COL23A1: variants seen among roughly 807,000 people sequenced by gnomAD.
The protein encoded by COL23A1 is collagen type XXIII alpha 1 chain.
COL23A1 carries 97 observed loss-of-function variants against 99.3 expected under a neutral mutation model. The ratio of observed to expected loss-of-function variants is 0.98; its 90% confidence interval spans 0.83 to 1.16. The LOEUF is 1.16. COL23A1 is among the 50% of genes most tolerant of loss of function. COL23A1 has a pLI of 0.00. For missense variants in COL23A1, 762 were observed against 757.4 expected (o/e 1.01, Z -0.07); for synonymous variants, 320 against 308.2 (o/e 1.04, Z -0.40).
rs906081923 is a variant in COL23A1 at position 178,366,167 on chromosome 5, G to A, written c.362-59248C>T. Reference sequence around the variant, plus strand: ...GAGGCGAGTCCCCAAGGGCAGGGCTGGGTCTGATTCACCTCTTCCTCCCCG... The same window carrying A: ...GAGGCGAGTCCCCAAGGGCAGGGCTAGGTCTGATTCACCTCTTCCTCCCCG... On this transcript the variant is annotated intron_variant, in intron 2 of 28. Transcript: ENST00000390654. This position sits in a 1 kb window ranked among gnomAD's most constrained non-coding sequence, Gnocchi z 4.4. Among the ~76,000 whole-genome samples, 3 of 152,184 alleles carry A rather than the reference G, an allele frequency of 2.0e-5. No homozygotes were observed. Among genetic ancestry groups the A allele is most frequent in the African/African-American group, 7.2e-5 (3 of 41,454 alleles).
At chr5:178,576,384 G>T (rs1763358684) in intron 1 of COL23A1, among the ~76,000 whole-genome samples, 1 of 152,038 alleles carries the variant, frequency 6.6e-6, no homozygotes, top group Non-Finnish European at 1.5e-5. Context: ...GACTACAGGC[G>T]CCCCCCACCA....
intron 2 of COL23A1, among the ~76,000 whole-genome samples, chr5:178,430,559 G>A (rs1330279227): frequency 1.3e-5 from 2 of 152,312 alleles, no homozygotes; most frequent in African/African-American, 4.8e-5. Context: ...GTATGTCCAC[G>A]TGTGACGTGC....
chr5:178,316,684 T>A (rs1197436548), intron 2 of COL23A1, among the ~76,000 whole-genome samples: 2 of 152,332 alleles, frequency 1.3e-5, no homozygotes, highest in East Asian at 3.9e-4. Flanking sequence ...AGAATTATAG[T>A]AAGGAAAAAT....
At position 178,340,051 on chromosome 5, in the gene COL23A1, C is replaced by T. The variant is rs1175505337; in HGVS notation, c.362-33132G>A. 2.6e-5 allele frequency among the ~76,000 whole-genome samples: 4 copies of T among 152,022 alleles called. No homozygotes were observed. The highest frequency in any genetic ancestry group is 4.8e-5 in the African/African-American group (2 of 41,362). ...AGAGATGAGTAGAGGGATGAGGGGTCGATGAATGGATGGACGGGTTAGGGA... is the reference window on the plus strand; with the variant it reads ...AGAGATGAGTAGAGGGATGAGGGGTTGATGAATGGATGGACGGGTTAGGGA... On this transcript the variant is annotated intron_variant, in intron 2 of 28. Coordinates refer to ENST00000390654, the MANE Select transcript of COL23A1 (RefSeq NM_173465.4). This position sits in a 1 kb window ranked among gnomAD's most constrained non-coding sequence, Gnocchi z 4.7.
At chr5:178,390,848 A>C (rs1763926418) in intron 2 of COL23A1, among the ~76,000 whole-genome samples, 1 of 152,274 alleles carries the variant, frequency 6.6e-6, no homozygotes, top group Admixed American at 6.5e-5. Context: ...ACATAGGTGT[A>C]AATCTTCATG....
intron 2 of COL23A1, among the ~76,000 whole-genome samples, chr5:178,399,333 A>G (rs73349095): frequency 0.064 from 9,720 of 152,248 alleles, 992 homozygotes; most frequent in African/African-American, 0.21. Context: ...AGAGGGAGGA[A>G]AAGTAAAGAT....
intron 3 of COL23A1, among the ~76,000 whole-genome samples, chr5:178,301,450 T>C (rs1169574476): frequency 6.6e-6 from 1 of 152,250 alleles, no homozygotes; most frequent in African/African-American, 2.4e-5. Context: ...ATAGTTTCTA[T>C]TGACTGTACT....
chr5:178,262,093 G>GGC, intron 10 of COL23A1, 124 bp downstream of exon 10: 2 of 1,050,886 alleles, frequency 1.9e-6, no homozygotes, highest in South Asian at 1.4e-5. Context: ...TACATGCAGA[G>GGC]GCGCGCGCAC....
At chr5:178,420,355 TG>T (rs1765538588) in intron 2 of COL23A1, among the ~76,000 whole-genome samples, 1 of 114,412 alleles carries the variant, frequency 8.7e-6, no homozygotes, top group African/African-American at 3.4e-5. Context: ...CCTCCTCCCC[TG>T]CCCCTCCTCT....
intron 2 of COL23A1, among the ~76,000 whole-genome samples, chr5:178,358,256 A>ATGTATATGTGTGTG (rs1554145320): frequency 1.0e-5 from 1 of 95,748 alleles, no homozygotes; most frequent in Non-Finnish European, 2.1e-5. Context: ...ATGTGTGTGT[A>ATGTATATGTGTGTG]TGTATATGTG....
Position 178,255,830 on chromosome 5 carries a change from A to G in COL23A1, c.882+523T>C. ...GCTCAGATCCATTTTTTTTGGAGGA[A>G]GAAGCCAGCCTCTGGGAGCATGAGG... On this transcript the variant is annotated intron_variant, in intron 15 of 28. Transcript: ENST00000390654. The surrounding 1 kb of genome is among the most constrained non-coding windows in gnomAD (Gnocchi z 4.2). 2.5e-6 allele frequency: 1 copy of G among 406,758 alleles called. No individual in the cohort carries two copies. Among genetic ancestry groups the G allele is most frequent in the Non-Finnish European group, 5.0e-6 (1 of 198,448 alleles). The allele number at this position is 406,758 out of a possible 1,614,324, so 25.2% of individuals were successfully genotyped here. A position where few individuals can be genotyped will look rare whatever the true frequency, so the allele number is the denominator to read the frequency against.
At chr5:178,463,614 CA>C (rs1329566911) in intron 2 of COL23A1, among the ~76,000 whole-genome samples, 3 of 152,174 alleles carry the variant, frequency 2.0e-5, no homozygotes, top group African/African-American at 7.2e-5. Context: ...ATGAGGATGC[CA>C]GGGGAGAAGA....
At chr5:178,355,269 C>G (rs1168272405) in intron 2 of COL23A1, among the ~76,000 whole-genome samples, 1 of 66,352 alleles carries the variant, frequency 1.5e-5, no homozygotes, top group Middle Eastern at 0.01. Flanking sequence ...CCACAAAGAA[C>G]CTCAAATAAA....
intron 12 of COL23A1, among the ~76,000 whole-genome samples, chr5:178,259,288 C>G (rs1002125084): frequency 1.3e-5 from 2 of 151,944 alleles, no homozygotes; most frequent in African/African-American, 2.4e-5. Flanking sequence ...GAGAAGAGGC[C>G]GGGGAGGATA....
intron 2 of COL23A1, among the ~76,000 whole-genome samples, chr5:178,375,413 G>C (rs571454863): frequency 6.6e-6 from 1 of 152,190 alleles, no homozygotes; most frequent in Non-Finnish European, 1.5e-5. Context: ...CCTGTCTTCC[G>C]CATGGCAGCC....
At chr5:178,461,857 T>C (rs1023079605) in intron 2 of COL23A1, among the ~76,000 whole-genome samples, 1 of 152,194 alleles carries the variant, frequency 6.6e-6, no homozygotes, top group Non-Finnish European at 1.5e-5. Context: ...GAGGAAAATA[T>C]AGGGGTGCAA....
At chr5:178,481,628 C>T (rs1757344112) in intron 2 of COL23A1, among the ~76,000 whole-genome samples, 1 of 151,978 alleles carries the variant, frequency 6.6e-6, no homozygotes, top group African/African-American at 2.4e-5. Context: ...AAAAGATGCT[C>T]AATATTATTA....
intron 2 of COL23A1, among the ~76,000 whole-genome samples, chr5:178,470,588 C>G (rs1756688909): frequency 1.3e-5 from 2 of 152,108 alleles, no homozygotes; most frequent in Non-Finnish European, 2.9e-5. Flanking sequence ...AGAGAGAACA[C>G]AGAGGTGCAA....
intron 2 of COL23A1, among the ~76,000 whole-genome samples, chr5:178,543,107 CT>C (rs1206206645): frequency 1.3e-5 from 2 of 150,478 alleles, no homozygotes; most frequent in South Asian, 4.2e-4. Context: ...GCATAATTGG[CT>C]TGTTTTTTTT....
Sources: gnomAD v4.1 joint callset for allele counts (sites outside exome capture counted in the v4.1 genomes callset) on GRCh38, gnomAD v4.1.1 for gene constraint, Gnocchi (gnomAD v3.1) non-coding constraint, MANE v1.5 for transcripts, NCBI Gene and HGNC (gene_info 2026-07-23, HGNC 2026-07-21) for gene names.